The following LPA variants were observed in gnomAD, a reference collection of about 807,000 sequenced individuals.
LPA encodes the protein apolipoprotein(a).
LPA carries 199 observed loss-of-function variants against 197.9 expected under a neutral mutation model. That is an observed-to-expected ratio of 1.01 (90% CI 0.90 to 1.13). LPA has a LOEUF of 1.13. Ranked by LOEUF, LPA falls within the 50% of genes most tolerant of loss-of-function variation. The probability of loss-of-function intolerance (pLI) is 0.00; values close to 1 mark genes in which losing one functional copy is unlikely to be tolerated. For missense variants in LPA, 1,853 were observed against 1,785.8 expected (o/e 1.04, Z -0.68); for synonymous variants, 715 against 639.5 (o/e 1.12, Z -1.78).
At chr6:160,565,077 G>A (rs1393858496) in intron 28 of LPA, among the ~76,000 whole-genome samples, 3 of 152,230 alleles carry the variant, frequency 2.0e-5, no homozygotes, top group Non-Finnish European at 4.4e-5. Context: ...GCCTGCCTCT[G>A]TAGACTCCAC....
At chr6:160,589,946 C>T (rs1778993865) in intron 23 of LPA, among the ~76,000 whole-genome samples, 1 of 152,204 alleles carries the variant, frequency 6.6e-6, no homozygotes, top group South Asian at 2.1e-4. Flanking sequence ...AAGGACAGAT[C>T]AGAGTGCCTA....
intron 26 of LPA, among the ~76,000 whole-genome samples, chr6:160,580,740 C>T (rs1284590540): frequency 6.6e-6 from 1 of 152,104 alleles, no homozygotes; most frequent in African/African-American, 2.4e-5. Flanking sequence ...AAGCCTGTTG[C>T]CCATTTTGAT....
chr6:160,611,444 G>T, intron 16 of LPA, 118 bp downstream of exon 16: 1 of 1,520,614 alleles, frequency 6.6e-7, no homozygotes, highest in East Asian at 2.2e-5. Flanking sequence ...GAGACATTTT[G>T]CTACACCATC....
At chr6:160,606,257 G>C (rs1779347658) in intron 17 of LPA, among the ~76,000 whole-genome samples, 1 of 152,136 alleles carries the variant, frequency 6.6e-6, no homozygotes, top group South Asian at 2.1e-4. Flanking sequence ...TCACCCTGGA[G>C]GGTTTGTGCC....
At chr6:160,604,437 C>A (rs368895979) in intron 18 of LPA, among the ~76,000 whole-genome samples, 1 of 152,126 alleles carries the variant, frequency 6.6e-6, no homozygotes, top group African/African-American at 2.4e-5. Context: ...CTGGTCAGAC[C>A]TGGGCTTCTG....
intron 14 of LPA, among the ~76,000 whole-genome samples, chr6:160,615,405 C>T (rs1779579937): frequency 9.4e-6 from 1 of 106,526 alleles, no homozygotes; most frequent in Admixed American, 8.4e-5. Context: ...TGTAGGTTCT[C>T]TAAAATTGTG....
intron 37 of LPA, among the ~76,000 whole-genome samples, chr6:160,535,209 TACAGATGA>T (rs1777869578): frequency 2.8e-5 from 4 of 143,238 alleles, no homozygotes; most frequent in Non-Finnish European, 4.5e-5. Context: ...GTAATGATAA[TACAGATGA>T]GGAAATATAG....
intron 28 of LPA, 25 bp downstream of exon 28, chr6:160,577,111 C>T (rs1303317120): frequency 7.4e-6 from 12 of 1,611,938 alleles, no homozygotes; most frequent in South Asian, 1.1e-5. Flanking sequence ...TGTTGCTCCT[C>T]TTATGGTTTT....
At chr6:160,532,990 T>C (rs1416985895) in intron 37 of LPA, among the ~76,000 whole-genome samples, 1 of 152,234 alleles carries the variant, frequency 6.6e-6, no homozygotes. Context: ...TTTTATATAC[T>C]TTTTTCAGAT....
chr6:160,659,193 A>G (rs1780181085), intron 1 of LPA, among the ~76,000 whole-genome samples: 1 of 152,110 alleles, frequency 6.6e-6, no homozygotes, highest in Non-Finnish European at 1.5e-5. Context: ...CCAGCTTTAT[A>G]TTCTGGCTCT....
intron 28 of LPA, among the ~76,000 whole-genome samples, chr6:160,573,051 T>C (rs1268384296): frequency 6.6e-6 from 1 of 152,194 alleles, no homozygotes; most frequent in Non-Finnish European, 1.5e-5. Context: ...TATTGTCTTT[T>C]TCCTCAGGAG....
In LPA at chr6:160,659,018, C is replaced by A. The variant is rs541377941; in HGVS notation, c.49+5148G>T. 1.5e-4 allele frequency among the ~76,000 whole-genome samples: 23 copies of A among 152,132 alleles called. No homozygotes were observed. The South Asian group carries it at 4.4e-3, about 29-fold the overall frequency. ...TAAGTGGTATTAACTCACAAGATTA[C>A]AAGGTCCCATAATAGGCCACCTGCA... On this transcript the variant is annotated intron_variant, in intron 1 of 38. Transcript: ENST00000316300.
intron 28 of LPA, among the ~76,000 whole-genome samples, chr6:160,567,607 A>G (rs1778481564): frequency 6.6e-6 from 1 of 152,224 alleles, no homozygotes; most frequent in Non-Finnish European, 1.5e-5. Flanking sequence ...GAGCAAACAC[A>G]TTAAAAAGCT....
chr6:160,576,411 TATATGG>T (rs1562328045), intron 28 of LPA, among the ~76,000 whole-genome samples: 1 of 53,710 alleles, frequency 1.9e-5, no homozygotes, highest in Non-Finnish European at 3.2e-5. Flanking sequence ...TATATATATA[TATATGG>T]GTATATATAT....
At chr6:160,596,641 G>A (rs1353820480) in intron 20 of LPA, among the ~76,000 whole-genome samples, 1 of 152,056 alleles carries the variant, frequency 6.6e-6, no homozygotes, top group African/African-American at 2.4e-5. Context: ...CTCTTCTCTT[G>A]TTGGAAAATG....
At chr6:160,656,481 A>C (rs1436575380) in intron 1 of LPA, among the ~76,000 whole-genome samples, 1 of 152,198 alleles carries the variant, frequency 6.6e-6, no homozygotes, top group African/African-American at 2.4e-5. Flanking sequence ...AAATGAGCTA[A>C]AACTCCATTA....
chr6:160,575,514 T>G (rs888034813), intron 28 of LPA, among the ~76,000 whole-genome samples: 1 of 152,226 alleles, frequency 6.6e-6, no homozygotes, highest in Non-Finnish European at 1.5e-5. Flanking sequence ...TTTCTTCTGA[T>G]GGGCAACTAA....
chr6:160,544,678 A>G (rs1271563332), intron 33 of LPA, among the ~76,000 whole-genome samples: 1 of 152,156 alleles, frequency 6.6e-6, no homozygotes, highest in Non-Finnish European at 1.5e-5. Flanking sequence ...ACCAAATTAC[A>G]CAAAAGAAAA....
chr6:160,560,793 G>T (rs190447341), intron 28 of LPA, among the ~76,000 whole-genome samples: 2 of 152,204 alleles, frequency 1.3e-5, no homozygotes, highest in Admixed American at 1.3e-4. Flanking sequence ...AATTAGATCT[G>T]ATTTGTAAAT....
Sources: gnomAD v4.1 joint callset for allele counts (sites outside exome capture counted in the v4.1 genomes callset) on GRCh38, gnomAD v4.1.1 for gene constraint, MANE v1.5 for transcripts, NCBI Gene and HGNC (gene_info 2026-07-23, HGNC 2026-07-21) for gene names.